OCA2: variants seen among roughly 807,000 people sequenced by gnomAD.
The protein encoded by OCA2 is OCA2 melanosomal transmembrane protein.
In OCA2, 77 loss-of-function variants were observed where a neutral mutation model predicts 100.2. The ratio of observed to expected loss-of-function variants is 0.77; its 90% CI spans 0.64 to 0.93. The LOEUF (loss-of-function observed/expected upper bound fraction) is 0.93. OCA2 is among the 40% of genes least tolerant of loss of function. The probability of loss-of-function intolerance (pLI) is 0.00; values close to 1 mark genes in which losing one functional copy is unlikely to be tolerated. For missense variants in OCA2, 1,062 were observed against 1,089.1 expected, an observed-to-expected ratio of 0.98 and a Z score of 0.35; for synonymous variants, 432 against 439.2, an observed-to-expected ratio of 0.98 and a Z score of 0.21.
chr15:28,082,342 G>A (rs72714113), intron 1 of OCA2, among the ~76,000 whole-genome samples: 10,599 of 152,246 alleles, frequency 0.07, 382 homozygotes, highest in Middle Eastern at 0.095. Context: ...CGATGTTTTG[G>A]TTTTCACAGT....
chr15:27,962,678 C>G (rs2040444802), intron 15 of OCA2, among the ~76,000 whole-genome samples: 1 of 151,900 alleles, frequency 6.6e-6, no homozygotes, highest in Admixed American at 6.6e-5. Flanking sequence ...AAGTAACAAC[C>G]AACAGAGGAG....
chr15:28,095,162 C>A (rs2044950419), intron 1 of OCA2, among the ~76,000 whole-genome samples: 1 of 152,210 alleles, frequency 6.6e-6, no homozygotes, highest in Non-Finnish European at 1.5e-5. Flanking sequence ...CGCCCGTGGC[C>A]GCACGGCTGA....
intron 23 of OCA2, among the ~76,000 whole-genome samples, chr15:27,759,021 A>T (rs2030620739): frequency 6.6e-6 from 1 of 152,176 alleles, no homozygotes; most frequent in Admixed American, 6.5e-5. Context: ...ACAATCAACA[A>T]ATCAAACTCG....
At chr15:27,817,624 A>G (rs950264473) in intron 23 of OCA2, among the ~76,000 whole-genome samples, 2 of 152,066 alleles carry the variant, frequency 1.3e-5, no homozygotes, top group Non-Finnish European at 2.9e-5. Flanking sequence ...TGATCCTCTT[A>G]GAAACTCCGG....
intron 2 of OCA2, among the ~76,000 whole-genome samples, chr15:28,041,631 A>T (rs1469889190): frequency 6.6e-6 from 1 of 152,172 alleles, no homozygotes; most frequent in Non-Finnish European, 1.5e-5. Flanking sequence ...AACTCTAAAG[A>T]CTCCATTTTT....
intron 23 of OCA2, among the ~76,000 whole-genome samples, chr15:27,804,158 A>G (rs6497235): frequency 0.55 from 83,675 of 152,040 alleles, 23,480 homozygotes; most frequent in South Asian, 0.76. Flanking sequence ...AAACCACACC[A>G]AAAGGAATTT....
At chr15:27,771,484 G>C (rs373328765) in intron 23 of OCA2, among the ~76,000 whole-genome samples, 12 of 152,300 alleles carry the variant, frequency 7.9e-5, no homozygotes, top group South Asian at 6.2e-4. Context: ...GCGCCCAGCT[G>C]GGGGGTGCTC....
At chr15:27,958,814 T>C (rs555761837) in intron 15 of OCA2, among the ~76,000 whole-genome samples, 3 of 152,248 alleles carry the variant, frequency 2.0e-5, no homozygotes, top group South Asian at 2.1e-4. Flanking sequence ...ACACTGCCTA[T>C]AGCAAGAATT....
intron 18 of OCA2, among the ~76,000 whole-genome samples, chr15:27,940,419 G>A (rs1352399469): frequency 6.6e-6 from 1 of 152,210 alleles, no homozygotes; most frequent in Non-Finnish European, 1.5e-5. Flanking sequence ...TTCCTAGCCT[G>A]GCATTTACAG....
At chr15:28,091,825 G>A (rs147216918) in intron 1 of OCA2, among the ~76,000 whole-genome samples, 1,770 of 152,150 alleles carry the variant, frequency 0.012, 27 homozygotes, top group African/African-American at 0.041. Flanking sequence ...GCATGGTGAT[G>A]GGCACCTGTA....
chr15:27,849,441 A>G (rs1178868435), intron 22 of OCA2, among the ~76,000 whole-genome samples: 1 of 152,174 alleles, frequency 6.6e-6, no homozygotes, highest in Non-Finnish European at 1.5e-5. Context: ...TCTGCTTTCC[A>G]GGAAACTCAG....
intron 18 of OCA2, among the ~76,000 whole-genome samples, chr15:27,934,308 T>C (rs1009020655): frequency 6.6e-6 from 1 of 151,896 alleles, no homozygotes; most frequent in Admixed American, 6.6e-5. Flanking sequence ...GAGGCTGCAG[T>C]GGCCTAATTT....
At chr15:28,016,304 G>T in intron 7 of OCA2, 118 bp from the exon 8 acceptor site, 1 of 812,648 alleles carries the variant, frequency 1.2e-6, no homozygotes, top group South Asian at 1.4e-5. Flanking sequence ...GAAAGAAACA[G>T]GAGAGCATCT....
chr15:27,970,064 G>A (rs572019734), intron 14 of OCA2, among the ~76,000 whole-genome samples: 173 of 152,124 alleles, frequency 1.1e-3, no homozygotes, highest in African/African-American at 3.9e-3. Context: ...CGGGGGTGTG[G>A]GTCTCGCTGC....
intron 2 of OCA2, among the ~76,000 whole-genome samples, chr15:28,045,285 G>C (rs1251958421): frequency 6.6e-6 from 1 of 152,108 alleles, no homozygotes. Flanking sequence ...TTGCTAGAGA[G>C]CATACAATAG....
intron 19 of OCA2, among the ~76,000 whole-genome samples, chr15:27,902,759 G>A (rs1291058963): frequency 6.6e-6 from 1 of 152,216 alleles, no homozygotes; most frequent in African/African-American, 2.4e-5. Flanking sequence ...GGGCGGGATG[G>A]CCACAGGGAG....
the OCA2 span, among the ~76,000 whole-genome samples, chr15:27,745,614 C>A: frequency 6.6e-6 from 1 of 152,186 alleles, no homozygotes; most frequent in African/African-American, 2.4e-5. Context: ...TTTGAAATGG[C>A]CCTGCAATGC....
At chr15:27,763,721 C>A (rs559379167) in intron 23 of OCA2, among the ~76,000 whole-genome samples, 1 of 152,292 alleles carries the variant, frequency 6.6e-6, no homozygotes, top group South Asian at 2.1e-4. Context: ...AGCAGGGCTG[C>A]TGGGCTGGGA....
intron 23 of OCA2, among the ~76,000 whole-genome samples, chr15:27,801,921 A>G (rs1282141392): frequency 3.9e-5 from 6 of 152,190 alleles, no homozygotes; most frequent in African/African-American, 1.2e-4. Flanking sequence ...CAACATTTCT[A>G]TTAAACATTT....
Sources: allele counts gnomAD v4.1 joint callset (sites outside exome capture counted in the v4.1 genomes callset), GRCh38; gene constraint gnomAD v4.1.1; transcripts MANE v1.5; gene names NCBI Gene and HGNC (gene_info 2026-07-23, HGNC 2026-07-21).